The following COL4A4 variants were observed in gnomAD, a reference collection of about 807,000 sequenced individuals.
The protein encoded by COL4A4 is collagen alpha-4(IV) chain.
Under a neutral mutation model 192.9 loss-of-function variants are expected in COL4A4, and 105 were observed. The ratio of observed to expected loss-of-function variants is 0.54; its 90% CI spans 0.46 to 0.64. The LOEUF is 0.64. Ranked by LOEUF, COL4A4 falls within the 30% of genes least tolerant of loss-of-function variation. The pLI is 0.00. For missense variants in COL4A4, 1,967 were observed against 2,169.3 expected (o/e 0.91, Z 1.85); for synonymous variants, 762 against 769.9 (o/e 0.99, Z 0.17).
Position 227,057,586 on chromosome 2 carries a change from G to A in COL4A4, c.2398C>T (p.Pro800Ser), listed in dbSNP as rs773835909. 6.2e-7 allele frequency: 1 copy of A among 1,614,092 alleles called. No individual in the cohort carries two copies. The highest frequency in any genetic ancestry group is 1.1e-5 in the South Asian group (1 of 91,058). Residue 800 changes from proline to serine, a missense_variant, in exon 29 of 48, where the codon CCT becomes TCT. Pro to Ser is a moderately conservative substitution (Grantham distance 74). Coordinates refer to ENST00000396625, the MANE Select transcript of COL4A4 (RefSeq NM_000092.5). The stretch of plus-strand genomic sequence containing the variant: ...GGACCTTTGAGACCTAGGAATCCAG[G>A]AATGCCAGCTGGCCCTGAAATGATA... ...CPGAEGPAGI[P>S]GFLGLKGPKG...
chr2:227,069,289 T>A (rs957108679), intron 25 of COL4A4, among the ~76,000 whole-genome samples: 4 of 151,988 alleles, frequency 2.6e-5, no homozygotes, highest in African/African-American at 9.7e-5. Flanking sequence ...ATGGCCATAC[T>A]GCCCAAGGCA....
Position 227,012,539 on chromosome 2 carries a change from C to T in COL4A4, c.4217-242G>A, listed in dbSNP as rs73087798. 0.011 allele frequency among the ~76,000 whole-genome samples: 1,679 copies of T among 148,744 alleles called. 35 individuals carry two copies. Among genetic ancestry groups the T allele is most frequent in the African/African-American group, 0.039 (1,583 of 40,218 alleles). On this transcript the variant is annotated intron_variant, in intron 44 of 47. Coordinates refer to ENST00000396625, the MANE Select transcript of COL4A4 (RefSeq NM_000092.5). ...TTTGCTTAATTAAAGTCAGTGATCCCATAAAGGGCTAGGCCAGGATTTGAA... is the reference window on the plus strand; with the variant it reads ...TTTGCTTAATTAAAGTCAGTGATCCTATAAAGGGCTAGGCCAGGATTTGAA...
intron 17 of COL4A4, among the ~76,000 whole-genome samples, chr2:227,100,799 T>C (rs896836629): frequency 1.3e-5 from 2 of 148,542 alleles, no homozygotes; most frequent in African/African-American, 2.5e-5. Flanking sequence ...GGGTCTTTCC[T>C]GCGCTATTCT....
chr2:227,041,922 G>GAAAGAA (rs1971538174), intron 37 of COL4A4, among the ~76,000 whole-genome samples: 1 of 149,778 alleles, frequency 6.7e-6, no homozygotes, highest in South Asian at 2.1e-4. Context: ...AAGAAAGAAA[G>GAAAGAA]AAAATGGTAG....
In COL4A4 at chr2:227,057,446, ACCTGG is replaced by A. The variant is rs1301078388; in HGVS notation, c.2533_2537del (p.Pro845Ter). 9 of 1,605,360 alleles carry A rather than the reference ACCTGG, an allele frequency of 5.6e-6. No homozygotes were observed. The highest frequency in any genetic ancestry group is 7.7e-6 in the Non-Finnish European group (9 of 1,175,700). ...ACAGTTCTTGACACTTACCTGGGCT[ACCTGG>A]ATACCCAGGGAGTCCCGGTTGCCCT... On this transcript the variant is annotated frameshift_variant, in exon 29 of 48. Transcript: ENST00000396625. LOFTEE classifies it high-confidence loss of function.
chr2:227,107,319 A>C (rs1295647691), intron 12 of COL4A4, among the ~76,000 whole-genome samples: 2 of 152,168 alleles, frequency 1.3e-5, no homozygotes, highest in Non-Finnish European at 2.9e-5. Context: ...GTGGCTAAAC[A>C]TCCTGTAATT....
At chr2:227,095,346 C>T (rs2060154763) in intron 19 of COL4A4, among the ~76,000 whole-genome samples, 1 of 152,132 alleles carries the variant, frequency 6.6e-6, no homozygotes. Flanking sequence ...TTCAACTTGG[C>T]CTTTCCCTCT....
chr2:227,033,414 A>G lies in COL4A4; in HGVS notation c.3573T>C (p.Ala1191=), dbSNP rs753036031. The change falls in exon 38 of 48, where the codon GCT becomes GCC. Residue 1191 remains alanine, a synonymous_variant. Transcript: ENST00000396625. Reference sequence around the variant, plus strand: ...ACGAATCGATTAGGTGCTTACCTGAAGCACCTTTAGTTCCTTTCTGACCTT... The same window carrying G: ...ACGAATCGATTAGGTGCTTACCTGAGGCACCTTTAGTTCCTTTCTGACCTT... ...GLKGQKGTKG[A]SGLHDVGPPG... is the part of the protein sequence containing the mutation. 1.9e-6 allele frequency: 3 copies of G among 1,612,904 alleles called. 1 individual carries two copies. In the South Asian group the frequency reaches 3.3e-5, roughly 18 times the overall value.
At chr2:227,028,702 CTGGAG>C (rs1967596982) in intron 41 of COL4A4, among the ~76,000 whole-genome samples, 1 of 150,666 alleles carries the variant, frequency 6.6e-6, no homozygotes, top group African/African-American at 2.4e-5. Context: ...ATTACCCAGG[CTGGAG>C]TGTAGTGGCA....
At chr2:227,065,262 A>C (rs1238487825) in intron 25 of COL4A4, among the ~76,000 whole-genome samples, 8 of 152,364 alleles carry the variant, frequency 5.3e-5, no homozygotes, top group Non-Finnish European at 1.2e-4. Context: ...CTAGCACAGC[A>C]GTCTGAGATC....
In COL4A4 at chr2:227,109,150, A is replaced by G. The variant is rs773832311; in HGVS notation, c.657+74T>C. On this transcript the variant is annotated intron_variant, in intron 10 of 47. Coordinates refer to ENST00000396625, the MANE Select transcript of COL4A4 (RefSeq NM_000092.5). The stretch of plus-strand genomic sequence containing the variant: ...ACGGCCCACCTGTGTCTGACCCAAA[A>G]TGGCAATGTTGCTTCTTTATTTTCA... 7 of 1,413,990 alleles carry G rather than the reference A, an allele frequency of 5.0e-6. No individual in the cohort carries two copies. In the African/African-American group the frequency reaches 8.4e-5, roughly 17 times the overall value. The allele number at this position is 1,413,990 out of a possible 1,614,324, so 87.6% of individuals were successfully genotyped here. A position where few individuals can be genotyped will look rare whatever the true frequency, so the allele number is the denominator to read the frequency against.
intron 13 of COL4A4, among the ~76,000 whole-genome samples, 154 bp downstream of exon 13, chr2:227,103,818 C>T (rs540756068): frequency 8.1e-4 from 124 of 152,250 alleles, no homozygotes; most frequent in Non-Finnish European, 2.8e-4. Context: ...CAATGCCGCA[C>T]GATGGGGCCA....
At chr2:227,080,328 T>G in intron 24 of COL4A4, 115 bp downstream of exon 24, 1 of 958,552 alleles carries the variant, frequency 1.0e-6, no homozygotes, top group Admixed American at 1.7e-5. Flanking sequence ...CTCTGATTTA[T>G]AGTATGTTGA....
At position 227,163,579 on chromosome 2, in the gene COL4A4, G is replaced by A. The variant is rs114240814; in HGVS notation, c.-102+428C>T. 5.8e-3 allele frequency among the ~76,000 whole-genome samples: 891 copies of A among 152,370 alleles called. 14 individuals are homozygous for A. The highest frequency in any genetic ancestry group is 0.019 in the African/African-American group (795 of 41,588). ...CACAGGAAACGGCGAGAGCCGGCTG[G>A]AGGACCGTGCCCTGGCACATTTGCA... is the stretch of plus-strand genomic sequence containing the variant. On this transcript the variant is annotated intron_variant, in intron 1 of 47. Transcript: ENST00000396625.
rs531199206 is a variant in COL4A4, at chr2:227,129,885, TTA to T, written c.193-8739_193-8738del. On this transcript the variant is annotated intron_variant, in intron 4 of 47. Coordinates refer to ENST00000396625, the MANE Select transcript of COL4A4 (RefSeq NM_000092.5). ...ATTCTTTTAAATATATTCATCCTTTTTATGAGTCTCATTATTCTTAATCCATT... is the reference window on the plus strand; with the variant it reads ...ATTCTTTTAAATATATTCATCCTTTTTGAGTCTCATTATTCTTAATCCATT... Among the ~76,000 whole-genome samples the T allele has an allele frequency of 2.9e-4, 44 of 152,362 alleles. No homozygotes were observed. The South Asian group carries it at 8.9e-3, about 31-fold the overall frequency.
chr2:227,132,139 C>A (rs1234191995), intron 4 of COL4A4, among the ~76,000 whole-genome samples: 1 of 152,182 alleles, frequency 6.6e-6, no homozygotes, highest in Non-Finnish European at 1.5e-5. Context: ...ACCCACAGCT[C>A]CCTGTGCCCT....
At chr2:227,111,749 C>A in intron 8 of COL4A4, 36 bp from the exon 9 acceptor site, 1 of 1,601,462 alleles carries the variant, frequency 6.2e-7, no homozygotes, top group Non-Finnish European at 8.6e-7. Flanking sequence ...TAAGTCCACA[C>A]AATGTTCCTA....
the COL4A4 span, chr2:226,995,409 T>C: frequency 6.7e-7 from 1 of 1,498,966 alleles, no homozygotes; most frequent in Admixed American, 1.7e-5. Context: ...GATTGATTTT[T>C]CCTTTGGCTT....
intron 32 of COL4A4, 65 bp from the exon 33 acceptor site, chr2:227,051,223 G>C: frequency 6.5e-7 from 1 of 1,531,804 alleles, no homozygotes; most frequent in Non-Finnish European, 9.0e-7. Context: ...GTTAAGCTGA[G>C]GGACCTGGTC....
Sources: gnomAD v4.1 joint callset for allele counts (sites outside exome capture counted in the v4.1 genomes callset) on GRCh38, gnomAD v4.1.1 for gene constraint, MANE v1.5 for transcripts, NCBI Gene and HGNC (gene_info 2026-07-23, HGNC 2026-07-21) for gene names.